SGPP2: variants seen among roughly 807,000 people sequenced by gnomAD.
SGPP2 encodes sphingosine 1-phosphate phosphohydrolase 2.
Under a neutral mutation model 33.9 loss-of-function variants are expected in SGPP2, and 30 were observed. The ratio of observed to expected loss-of-function variants is 0.89; its 90% CI spans 0.66 to 1.20. The LOEUF is 1.20. Among genes scored for constraint, SGPP2 ranks in the 50% most tolerant of loss-of-function variants. The probability of loss-of-function intolerance (pLI) is 0.00; values close to 1 mark genes in which losing one functional copy is unlikely to be tolerated. For synonymous variants in SGPP2, 233 were observed against 225.0 expected (o/e 1.04, Z -0.32); for missense variants, 458 against 532.1 (o/e 0.86, Z 1.37).
intron 2 of SGPP2, chr2:222,498,407 C>G: frequency 6.6e-6 from 1 of 151,986 alleles, no homozygotes; most frequent in African/African-American, 2.4e-5. Context: ...TTAATGGCAG[C>G]CAATATATCT....
At chr2:222,474,866 T>C (rs376574885) in intron 2 of SGPP2, 140 bp downstream of exon 2, 18 of 741,822 alleles carry the variant, frequency 2.4e-5, no homozygotes, top group African/African-American at 1.6e-4. Flanking sequence ...CTAATTTCCT[T>C]TGGAAAAATT....
chr2:222,550,004 G>GT lies in SGPP2; in HGVS notation c.649-8342dup, dbSNP rs1374799030. On this transcript the variant is annotated intron_variant, in intron 4 of 4. Transcript: ENST00000321276. This position sits in a 1 kb window ranked among gnomAD's most constrained non-coding sequence, Gnocchi z 4.5. ...CAATTCCCCTGCCTCAGCCTCCTGAGTAGCTGGAACTACAGGCACGCGCCA... is the reference window on the plus strand; with the variant it reads ...CAATTCCCCTGCCTCAGCCTCCTGAGTTAGCTGGAACTACAGGCACGCGCCA... Among the ~76,000 whole-genome samples the GT allele has an allele frequency of 6.6e-5, 10 of 151,866 alleles. No homozygotes were observed. In the South Asian group the frequency reaches 1.7e-3, roughly 25 times the overall value.
At chr2:222,536,770 A>T (rs1224937695) in intron 4 of SGPP2, among the ~76,000 whole-genome samples, 1 of 152,220 alleles carries the variant, frequency 6.6e-6, no homozygotes, top group Non-Finnish European at 1.5e-5. Flanking sequence ...TGCCAGCAAG[A>T]TCATTGTTAT....
chr2:222,520,730 A>AC (rs556214204), intron 2 of SGPP2, among the ~76,000 whole-genome samples: 4 of 90,814 alleles, frequency 4.4e-5, no homozygotes, highest in East Asian at 8.6e-4. Context: ...CTGAAAAAAA[A>AC]AAAAAAAAAA....
At chr2:222,469,245 G>A (rs781759778) in intron 1 of SGPP2, among the ~76,000 whole-genome samples, 5 of 152,102 alleles carry the variant, frequency 3.3e-5, no homozygotes, top group Admixed American at 3.3e-4. Context: ...GTGCAGTGGC[G>A]TGATCTCGGC....
chr2:222,449,122 G>A (rs1697440649), intron 1 of SGPP2, among the ~76,000 whole-genome samples: 1 of 152,210 alleles, frequency 6.6e-6, no homozygotes, highest in Admixed American at 6.5e-5. Flanking sequence ...GATGACTACA[G>A]ATGCTGCCTT....
chr2:222,503,097 A>G (rs909558945), intron 2 of SGPP2, among the ~76,000 whole-genome samples: 3 of 152,166 alleles, frequency 2.0e-5, no homozygotes, highest in African/African-American at 7.2e-5. Context: ...TTGAACATTG[A>G]GCTTTGGGAG....
chr2:222,436,418 A>C (rs1331075925), intron 1 of SGPP2, among the ~76,000 whole-genome samples: 1 of 152,198 alleles, frequency 6.6e-6, no homozygotes, highest in African/African-American at 2.4e-5. Flanking sequence ...TTGGACACTG[A>C]TTCAGAGCAT....
chr2:222,452,794 G>T, intron 1 of SGPP2: 1 of 1,557,618 alleles, frequency 6.4e-7, no homozygotes. Flanking sequence ...GGGTAGGTAG[G>T]TGCTGAGGCC....
chr2:222,486,172 G>A (rs753294638), intron 2 of SGPP2, among the ~76,000 whole-genome samples: 1 of 152,076 alleles, frequency 6.6e-6, no homozygotes, highest in African/African-American at 2.4e-5. Flanking sequence ...CATTTGCTAT[G>A]CGGAAGCTGG....
At chr2:222,426,806 C>T (rs556771118) in intron 1 of SGPP2, among the ~76,000 whole-genome samples, 1 of 151,876 alleles carries the variant, frequency 6.6e-6, no homozygotes, top group South Asian at 2.1e-4. Context: ...ACATTGATTC[C>T]CCCCCTCAAA....
chr2:222,438,401 C>T lies in SGPP2; in HGVS notation c.219+13580C>T, dbSNP rs1003184020. Among the ~76,000 whole-genome samples the T allele has an allele frequency of 3.3e-5, 5 of 152,282 alleles. No individual in the cohort carries two copies. The South Asian group carries it at 8.3e-4, about 25-fold the overall frequency. On this transcript the variant is annotated intron_variant, in intron 1 of 4. Transcript: ENST00000321276. ...TGTAATGGACCAGTGTGATATCTTG[C>T]GAAAGTGAAAAGCGATCAAGGTCTC...
chr2:222,426,804 T>C (rs1403175680), intron 1 of SGPP2, among the ~76,000 whole-genome samples: 3 of 152,138 alleles, frequency 2.0e-5, no homozygotes, highest in Non-Finnish European at 4.4e-5. Flanking sequence ...ACACATTGAT[T>C]CCCCCCCTCA....
At position 222,521,924 on chromosome 2, in the gene SGPP2, T is replaced by A; in HGVS notation, c.536T>A (p.Ile179Asn). The A allele has an allele frequency of 6.3e-7, 1 of 1,598,564 alleles. No homozygotes were observed. Among genetic ancestry groups the A allele is most frequent in the Non-Finnish European group, 8.5e-7 (1 of 1,173,882 alleles). ...ACTGCCATTGCCTTCACCCTCCTTA[T>A]CTCTACTATGGACAGATACCAGGTA... ...AATAIAFTLL[I>N]STMDRYQYPF... The change falls in exon 3 of 5, where the codon ATC (isoleucine) becomes AAC (asparagine). Residue 179 changes from isoleucine (I) to asparagine (N), a missense_variant. By Grantham distance (149) the Ile-to-Asn change is moderately radical. Coordinates refer to ENST00000321276, the MANE Select transcript of SGPP2 (RefSeq NM_152386.4).
intron 1 of SGPP2, among the ~76,000 whole-genome samples, chr2:222,429,096 A>G (rs1697114575): frequency 6.6e-6 from 1 of 152,164 alleles, no homozygotes; most frequent in Non-Finnish European, 1.5e-5. Flanking sequence ...CTGGGATTAC[A>G]GGCTGGGATT....
At chr2:222,522,545 A>G (rs1175452283) in intron 3 of SGPP2, among the ~76,000 whole-genome samples, 1 of 152,250 alleles carries the variant, frequency 6.6e-6, no homozygotes, top group Non-Finnish European at 1.5e-5. Flanking sequence ...TTAAATGCCA[A>G]TTATAGTAAG....
At chr2:222,522,062 T>A in intron 3 of SGPP2, 116 bp downstream of exon 3, 1 of 953,264 alleles carries the variant, frequency 1.0e-6, no homozygotes. Flanking sequence ...GAAATAAAGA[T>A]TAAGAGAAAC....
At chr2:222,524,866 C>A in intron 3 of SGPP2, 78 bp from the exon 4 acceptor site, 1 of 1,125,396 alleles carries the variant, frequency 8.9e-7, no homozygotes, top group Non-Finnish European at 1.3e-6. Context: ...ATTAATGAAT[C>A]CTATTCCCAC....
chr2:222,558,324 G>C, intron 4 of SGPP2, 23 bp from the exon 5 acceptor site: 1 of 1,611,580 alleles, frequency 6.2e-7, no homozygotes, highest in Non-Finnish European at 8.5e-7. Flanking sequence ...GGTTCACACT[G>C]TTCTTTTCTC....
Sources: gnomAD v4.1 joint callset for allele counts (sites outside exome capture counted in the v4.1 genomes callset) on GRCh38, gnomAD v4.1.1 for gene constraint, Gnocchi (gnomAD v3.1) non-coding constraint, MANE v1.5 for transcripts, NCBI Gene and HGNC (gene_info 2026-07-23, HGNC 2026-07-21) for gene names.